The following AFAP1 variants were observed in gnomAD, a reference collection of about 807,000 sequenced individuals.
The protein encoded by AFAP1 is actin filament-associated protein 1.
AFAP1 carries 75 observed loss-of-function variants against 93.9 expected under a neutral mutation model. The ratio of observed to expected loss-of-function variants is 0.80; its 90% CI spans 0.66 to 0.97. AFAP1 has a LOEUF of 0.97. AFAP1 is among the 50% of genes least tolerant of loss of function. AFAP1 has a pLI of 0.00. For synonymous variants in AFAP1, 517 were observed against 430.7 expected (o/e 1.20, Z -2.48); for missense variants, 1,201 against 1,050.8 (o/e 1.14, Z -1.98).
chr4:7,838,486 G>A (rs1442168194), intron 6 of AFAP1, 38 bp downstream of exon 6: 1 of 1,568,560 alleles, frequency 6.4e-7, no homozygotes, highest in Non-Finnish European at 8.6e-7. Flanking sequence ...AAAGGCATGT[G>A]GAACTGAAAT....
At chr4:7,779,344 C>T (rs73084405) in intron 13 of AFAP1, among the ~76,000 whole-genome samples, 1 of 152,196 alleles carries the variant, frequency 6.6e-6, no homozygotes, top group Non-Finnish European at 1.5e-5. Flanking sequence ...GATAAGTGAC[C>T]GCCTTCTTAT....
At position 7,816,023 on chromosome 4, in the gene AFAP1, T is replaced by C; in HGVS notation, c.899A>G (p.Glu300Gly). ...TTGGCACAAGCAGAACTCACCTTGC[T>C]CCTTTCCATTACATGTGGTAATTCC... ...ENGITTCNGK[E>G]QVKRKKSSKS... The change falls in exon 8 of 18, where the codon GAG (glutamate) becomes GGG (glycine). Residue 300 changes from glutamate (E) to glycine (G), a missense_variant. Transcript: ENST00000420658. The C allele has an allele frequency of 6.2e-7, 1 of 1,612,066 alleles. No individual in the cohort carries two copies. The highest frequency in any genetic ancestry group is 8.5e-7 in the Non-Finnish European group (1 of 1,179,164).
chr4:7,806,109 A>G (rs1719489187), intron 9 of AFAP1, among the ~76,000 whole-genome samples: 1 of 152,146 alleles, frequency 6.6e-6, no homozygotes, highest in African/African-American at 2.4e-5. Flanking sequence ...ATAAGAGATA[A>G]ATTTTGGTCA....
intron 3 of AFAP1, among the ~76,000 whole-genome samples, chr4:7,866,205 G>GC (rs1716381041): frequency 6.7e-6 from 1 of 149,808 alleles, no homozygotes; most frequent in Non-Finnish European, 1.5e-5. Flanking sequence ...CAGGTTTTTT[G>GC]TTTTTTTTTG....
rs550301463 is a variant in AFAP1, at chr4:7,760,749, G to C, written c.*3016C>G. On this transcript the variant is annotated 3_prime_UTR_variant, in exon 18 of 18. Coordinates refer to ENST00000420658, the MANE Select transcript of AFAP1 (RefSeq NM_001134647.2). Reference sequence around the variant, plus strand: ...ATAGAGCCAGGAGCAGAGCCCTGAAGAGTGACACTGTGGCTCAAGGTTAGA... The same window carrying C: ...ATAGAGCCAGGAGCAGAGCCCTGAACAGTGACACTGTGGCTCAAGGTTAGA... The C allele has an allele frequency of 6.6e-6, 1 of 152,440 alleles. No individual in the cohort carries two copies. Among genetic ancestry groups the C allele is most frequent in the South Asian group, 2.1e-4 (1 of 4,830 alleles). The allele number at this position is 152,440 out of a possible 1,614,324, so 9.4% of individuals were successfully genotyped here. A position where few individuals can be genotyped will look rare whatever the true frequency, so the allele number is the denominator to read the frequency against.
At chr4:7,810,782 C>T (rs996462020) in intron 8 of AFAP1, among the ~76,000 whole-genome samples, 11 of 152,226 alleles carry the variant, frequency 7.2e-5, no homozygotes, top group African/African-American at 2.7e-4. Context: ...AAGCAGTCTC[C>T]ATGCAGACGG....
intron 1 of AFAP1, among the ~76,000 whole-genome samples, chr4:7,895,699 G>A (rs1379449446): frequency 6.6e-6 from 1 of 152,128 alleles, no homozygotes; most frequent in Non-Finnish European, 1.5e-5. Flanking sequence ...CCTAATGAAT[G>A]ACAGAGCGAG....
At chr4:7,899,661 A>G (rs1038741458) in intron 1 of AFAP1, among the ~76,000 whole-genome samples, 3 of 152,116 alleles carry the variant, frequency 2.0e-5, no homozygotes, top group Non-Finnish European at 2.9e-5. Flanking sequence ...GATTCTGAAA[A>G]CCCTGTTAAT....
At chr4:7,784,325 T>C (rs1284482899) in intron 12 of AFAP1, among the ~76,000 whole-genome samples, 3 of 152,102 alleles carry the variant, frequency 2.0e-5, no homozygotes, top group African/African-American at 4.8e-5. Flanking sequence ...TGTCCTAACA[T>C]GGGACCTACA....
At chr4:7,849,980 G>C (rs1206087161) in intron 4 of AFAP1, among the ~76,000 whole-genome samples, 1 of 152,110 alleles carries the variant, frequency 6.6e-6, no homozygotes, top group Non-Finnish European at 1.5e-5. Context: ...GTGAGCAGGG[G>C]AGGAACACGT....
intron 17 of AFAP1, among the ~76,000 whole-genome samples, chr4:7,766,532 G>GAAA (rs1269340620): frequency 8.3e-6 from 1 of 119,870 alleles, no homozygotes; most frequent in East Asian, 5.3e-4. Context: ...AGCAGGGCAG[G>GAAA]AAACAGAATC....
intron 8 of AFAP1, 33 bp downstream of exon 8, chr4:7,815,985 T>G (rs768331567): frequency 4.6e-6 from 7 of 1,532,902 alleles, no homozygotes; most frequent in Non-Finnish European, 6.2e-6. Context: ...TTTTTTTTAG[T>G]GTATATATGT....
chr4:7,884,831 G>A (rs1460250731), intron 1 of AFAP1, among the ~76,000 whole-genome samples: 1 of 152,160 alleles, frequency 6.6e-6, no homozygotes, highest in African/African-American at 2.4e-5. Flanking sequence ...TGATCAATGT[G>A]CCTACAAAAA....
intron 1 of AFAP1, among the ~76,000 whole-genome samples, chr4:7,911,310 G>A (rs915851947): frequency 6.6e-6 from 1 of 152,200 alleles, no homozygotes; most frequent in Middle Eastern, 3.2e-3. Context: ...GCCGGAGGGG[G>A]GAAGGGTCCT....
chr4:7,867,312 A>G (rs1049400836), intron 3 of AFAP1, among the ~76,000 whole-genome samples: 3 of 152,180 alleles, frequency 2.0e-5, no homozygotes, highest in Admixed American at 1.3e-4. Flanking sequence ...CACTTGAGAT[A>G]TATTTGCTCT....
At chr4:7,906,274 G>A (rs868090994) in intron 1 of AFAP1, among the ~76,000 whole-genome samples, 2 of 152,120 alleles carry the variant, frequency 1.3e-5, no homozygotes, top group Non-Finnish European at 2.9e-5. Context: ...AGAGAATCAG[G>A]GGGCAACAGA....
At chr4:7,902,859 G>C (rs1476177510) in intron 1 of AFAP1, among the ~76,000 whole-genome samples, 2 of 152,168 alleles carry the variant, frequency 1.3e-5, no homozygotes, top group African/African-American at 2.4e-5. Context: ...CTGTACAAGG[G>C]ATCTAAAGGC....
At chr4:7,806,094 G>A (rs111405706) in intron 9 of AFAP1, among the ~76,000 whole-genome samples, 2,249 of 152,260 alleles carry the variant, frequency 0.015, 60 homozygotes, top group African/African-American at 0.052. Flanking sequence ...CCAGGAGAAG[G>A]GCAAATAAGA....
At chr4:7,834,028 T>A (rs568974589) in intron 6 of AFAP1, among the ~76,000 whole-genome samples, 1 of 149,272 alleles carries the variant, frequency 6.7e-6, no homozygotes, top group African/African-American at 2.5e-5. Flanking sequence ...CAATCCACAA[T>A]TGCAAAAATG....
Sources: allele counts gnomAD v4.1 joint callset (sites outside exome capture counted in the v4.1 genomes callset), GRCh38; gene constraint gnomAD v4.1.1; transcripts MANE v1.5; gene names NCBI Gene and HGNC (gene_info 2026-07-23, HGNC 2026-07-21).